SUPT3H: variants seen among roughly 807,000 people sequenced by gnomAD.
SUPT3H encodes SPT3 homolog, SAGA and STAGA complex component, also known as transcription initiation protein SPT3 homolog.
Under a neutral mutation model 44.3 loss-of-function variants are expected in SUPT3H, and 44 were observed. The observed-to-expected ratio is 0.99, with a 90% confidence interval of 0.78 to 1.28. SUPT3H has a LOEUF of 1.28. Ranked by LOEUF, SUPT3H falls within the 50% of genes most tolerant of loss-of-function variation. The pLI is 0.00. For missense variants in SUPT3H, 380 were observed against 387.1 expected (o/e 0.98, Z 0.15); for synonymous variants, 124 against 125.6 (o/e 0.99, Z 0.09).
At chr6:45,305,442 G>C (rs913320196) in intron 2 of SUPT3H, among the ~76,000 whole-genome samples, 6 of 152,198 alleles carry the variant, frequency 3.9e-5, no homozygotes, top group Non-Finnish European at 2.9e-5. Context: ...AATTCAGCTA[G>C]ATTATTCTAA....
At chr6:44,819,402 AC>A (rs1767123463) in intron 11 of SUPT3H, among the ~76,000 whole-genome samples, 1 of 152,058 alleles carries the variant, frequency 6.6e-6, no homozygotes, top group Non-Finnish European at 1.5e-5. Context: ...TGATTACACA[AC>A]TGTTCATTTG....
intron 2 of SUPT3H, among the ~76,000 whole-genome samples, chr6:45,296,185 T>TACACACACACAC (rs201077641): frequency 0.022 from 3,027 of 140,466 alleles, 48 homozygotes; most frequent in Non-Finnish European, 0.029. Context: ...ATACACATAC[T>TACACACACACAC]ACACACACAC....
chr6:44,850,121 A>C (rs763448665), intron 10 of SUPT3H, among the ~76,000 whole-genome samples: 13 of 152,264 alleles, frequency 8.5e-5, no homozygotes, highest in Non-Finnish European at 1.6e-4. Context: ...TAATGGTAGA[A>C]TAACTTCCAA....
intron 10 of SUPT3H, among the ~76,000 whole-genome samples, chr6:44,909,733 G>T (rs1766712043): frequency 6.6e-6 from 1 of 152,090 alleles, no homozygotes; most frequent in Admixed American, 6.6e-5. Flanking sequence ...TGTAGGTAAG[G>T]GCTCTGACAC....
At chr6:45,175,255 C>T (rs1444921597) in intron 2 of SUPT3H, among the ~76,000 whole-genome samples, 3 of 152,056 alleles carry the variant, frequency 2.0e-5, no homozygotes, top group Middle Eastern at 3.4e-3. Context: ...CACACTGCTA[C>T]AAAAAACTGC....
chr6:45,365,984 T>C (rs1795070920), intron 1 of SUPT3H, among the ~76,000 whole-genome samples: 1 of 152,210 alleles, frequency 6.6e-6, no homozygotes, highest in East Asian at 1.9e-4. Context: ...TGGGTGCCAA[T>C]CCTAATGTAT....
rs907993157 is a variant in SUPT3H at position 44,827,060 on chromosome 6, C to G, written c.*2756G>C. Among the ~76,000 whole-genome samples, 1 of 152,118 alleles carries G rather than the reference C, an allele frequency of 6.6e-6. No homozygotes were observed. The highest frequency in any genetic ancestry group is 2.4e-5 in the African/African-American group (1 of 41,458). ...GTGAAGGGAGAAATATTTCTACTTT[C>G]TTTACCCTTAAATCTAGGAAGCAGT... On this transcript the variant is annotated 3_prime_UTR_variant, in exon 11 of 11. Transcript: ENST00000371459.
intron 10 of SUPT3H, among the ~76,000 whole-genome samples, chr6:44,835,138 G>A (rs1003643767): frequency 1.3e-5 from 2 of 152,068 alleles, no homozygotes; most frequent in Non-Finnish European, 2.9e-5. Context: ...CCTTCAGGGG[G>A]TTGATACACC....
intron 7 of SUPT3H, among the ~76,000 whole-genome samples, chr6:44,959,729 C>A (rs1022810525): frequency 3.3e-5 from 5 of 152,060 alleles, no homozygotes; most frequent in African/African-American, 1.2e-4. Flanking sequence ...TACAGCTTAC[C>A]CTCAGCCTAT....
chr6:45,151,971 G>C (rs1807032221), intron 2 of SUPT3H, among the ~76,000 whole-genome samples: 1 of 151,832 alleles, frequency 6.6e-6, no homozygotes, highest in Non-Finnish European at 1.5e-5. Context: ...TGTTCCTGAG[G>C]GCTCAATTCT....
chr6:45,247,362 C>T (rs1280207235), intron 2 of SUPT3H, among the ~76,000 whole-genome samples: 1 of 152,092 alleles, frequency 6.6e-6, no homozygotes, highest in African/African-American at 2.4e-5. Flanking sequence ...GGTTATTTTG[C>T]CTGTTTTGGG....
chr6:45,019,026 T>A (rs1784723589), intron 4 of SUPT3H, among the ~76,000 whole-genome samples: 1 of 152,114 alleles, frequency 6.6e-6, no homozygotes. Context: ...AATTTCAGAT[T>A]CTGTTGTTGG....
At chr6:45,207,630 T>G (rs1056159971) in intron 2 of SUPT3H, among the ~76,000 whole-genome samples, 2 of 152,194 alleles carry the variant, frequency 1.3e-5, no homozygotes, top group Non-Finnish European at 2.9e-5. Context: ...TGTGTCATGT[T>G]TTGATAATTC....
At chr6:45,108,383 A>G (rs1039760105) in intron 2 of SUPT3H, among the ~76,000 whole-genome samples, 21 of 152,160 alleles carry the variant, frequency 1.4e-4, no homozygotes, top group Admixed American at 7.9e-4. Context: ...TGTCATGATT[A>G]GTTCCTCCTT....
intron 2 of SUPT3H, among the ~76,000 whole-genome samples, chr6:45,224,954 G>A (rs918366789): frequency 2.0e-5 from 3 of 151,718 alleles, no homozygotes; most frequent in African/African-American, 7.3e-5. Context: ...CACATAAAAG[G>A]TCCCATACAT....
chr6:44,964,049 A>T (rs557212576), intron 6 of SUPT3H, among the ~76,000 whole-genome samples: 1 of 152,186 alleles, frequency 6.6e-6, no homozygotes, highest in Admixed American at 6.5e-5. Flanking sequence ...TCTAAGACTG[A>T]TAATACTAAC....
At chr6:45,263,560 T>C (rs1207875918) in intron 2 of SUPT3H, among the ~76,000 whole-genome samples, 1 of 152,056 alleles carries the variant, frequency 6.6e-6, no homozygotes, top group Non-Finnish European at 1.5e-5. Context: ...GATGAGATAA[T>C]TCGTACACCA....
At chr6:45,232,531 G>A (rs551023504) in intron 2 of SUPT3H, among the ~76,000 whole-genome samples, 25 of 152,248 alleles carry the variant, frequency 1.6e-4, no homozygotes, top group African/African-American at 5.3e-4. Context: ...CCAATTCGTG[G>A]GCACCCAGGT....
At chr6:45,129,978 C>T (rs1187311821) in intron 2 of SUPT3H, among the ~76,000 whole-genome samples, 1 of 152,160 alleles carries the variant, frequency 6.6e-6, no homozygotes, top group Non-Finnish European at 1.5e-5. Flanking sequence ...CACAAGACAG[C>T]TAAGTGATCA....
Sources: gnomAD v4.1 joint callset for allele counts (sites outside exome capture counted in the v4.1 genomes callset) on GRCh38, gnomAD v4.1.1 for gene constraint, MANE v1.5 for transcripts, NCBI Gene and HGNC (gene_info 2026-07-23, HGNC 2026-07-21) for gene names.